The following IQCH variants were observed in gnomAD, a reference collection of about 807,000 sequenced individuals.
The protein encoded by IQCH is IQ domain-containing protein H.
In IQCH, 98 loss-of-function variants were observed where a neutral mutation model predicts 117.0. That is an observed-to-expected ratio of 0.84 (90% CI 0.71 to 0.99). The LOEUF (loss-of-function observed/expected upper bound fraction) is 0.99. IQCH is among the 50% of genes least tolerant of loss of function. The probability of loss-of-function intolerance (pLI) is 0.00; values close to 1 mark genes in which losing one functional copy is unlikely to be tolerated. For synonymous variants in IQCH, 412 were observed against 448.2 expected (o/e 0.92, Z 1.02); for missense variants, 1,102 against 1,243.8 (o/e 0.89, Z 1.72).
chr15:67,290,498 A>G (rs1966714752), intron 4 of IQCH, among the ~76,000 whole-genome samples: 1 of 152,098 alleles, frequency 6.6e-6, no homozygotes, highest in Non-Finnish European at 1.5e-5. Flanking sequence ...TCTGAGTTGC[A>G]CAATTGCATC....
chr15:67,258,234 C>CA (rs550150022), intron 1 of IQCH, among the ~76,000 whole-genome samples: 186 of 79,604 alleles, frequency 2.3e-3, no homozygotes, highest in South Asian at 0.021. Context: ...GACTCTGTGT[C>CA]AAAAAAAAAA....
At chr15:67,273,269 C>G (rs902510326) in intron 3 of IQCH, among the ~76,000 whole-genome samples, 2 of 151,758 alleles carry the variant, frequency 1.3e-5, no homozygotes, top group African/African-American at 2.4e-5. Flanking sequence ...CAGGGTTTCA[C>G]CATGTTGCCA....
intron 4 of IQCH, among the ~76,000 whole-genome samples, chr15:67,280,719 C>T (rs966035372): frequency 1.3e-5 from 2 of 152,050 alleles, no homozygotes; most frequent in South Asian, 2.1e-4. Flanking sequence ...ACATTCAGTC[C>T]ATAGCATGCC....
Position 67,413,053 on chromosome 15 carries a change from GT to G in IQCH, c.2098-3875del, listed in dbSNP as rs2081486906. Among the ~76,000 whole-genome samples the G allele has an allele frequency of 6.6e-6, 1 of 150,792 alleles. No individual in the cohort carries two copies. The highest frequency in any genetic ancestry group is 2.5e-5 in the African/African-American group (1 of 40,550). On this transcript the variant is annotated intron_variant, in intron 14 of 20. Coordinates refer to ENST00000335894, the MANE Select transcript of IQCH (RefSeq NM_001031715.3). The surrounding 1 kb of genome is among the most constrained non-coding windows in gnomAD (Gnocchi z 5.0). Reference sequence around the variant, plus strand: ...TCTAATGATTCACATGAATTGGAGTGTTTGTCTGTTATGGAAGGTGTGTGTG... The same window carrying G: ...TCTAATGATTCACATGAATTGGAGTGTTGTCTGTTATGGAAGGTGTGTGTG...
At chr15:67,439,663 A>G (rs1299819042) in intron 16 of IQCH, among the ~76,000 whole-genome samples, 1 of 152,168 alleles carries the variant, frequency 6.6e-6, no homozygotes, top group Non-Finnish European at 1.5e-5. Context: ...AGGTGGGCGG[A>G]TCACCTGAGG....
chr15:67,255,618 T>TA (rs1965137526), intron 1 of IQCH, among the ~76,000 whole-genome samples: 1 of 152,246 alleles, frequency 6.6e-6, no homozygotes, highest in African/African-American at 2.4e-5. Context: ...TATTTCCACA[T>TA]ATATCATCGG....
chr15:67,372,495 T>G lies in IQCH; in HGVS notation c.1138T>G (p.Trp380Gly), dbSNP rs1567135764. Reference sequence around the variant, plus strand: ...GGCCGCCATGAAGATCCAAGCCACATGGAAATGCTACAAAGCAAGAAAATT... The same window carrying G: ...GGCCGCCATGAAGATCCAAGCCACAGGGAAATGCTACAAAGCAAGAAAATT... ...SEAAMKIQAT[W>G]KCYKARKFFL... is the part of the protein sequence containing the mutation. Residue 380 changes from tryptophan (W) to glycine (G), a missense_variant, in exon 9 of 21, where the codon TGG becomes GGG. Coordinates refer to ENST00000335894, the MANE Select transcript of IQCH (RefSeq NM_001031715.3). The G allele has an allele frequency of 6.2e-7, 1 of 1,614,014 alleles. No homozygotes were observed. The highest frequency in any genetic ancestry group is 8.5e-7 in the Non-Finnish European group (1 of 1,179,980).
At chr15:67,318,236 C>T (rs988009600) in intron 4 of IQCH, among the ~76,000 whole-genome samples, 2 of 152,192 alleles carry the variant, frequency 1.3e-5, no homozygotes, top group East Asian at 1.9e-4. Context: ...CTTCTCCCTT[C>T]CCTCCTTTTT....
At position 67,475,584 on chromosome 15, in the gene IQCH, G is replaced by A. The variant is rs748192325; in HGVS notation, c.2677-112G>A. 1.2e-6 allele frequency: 1 copy of A among 848,768 alleles called. No individual in the cohort carries two copies. Among genetic ancestry groups the A allele is most frequent in the Non-Finnish European group, 1.9e-6 (1 of 536,482 alleles). 52.6% of individuals were successfully genotyped at this position (848,768 alleles called of 1,614,324 possible). A position where few individuals can be genotyped will look rare whatever the true frequency, so the allele number is the denominator to read the frequency against. ...TAACAATAGGAGAACTGGGTGTGGGGGATATAGGAACTCTCAGAATTATCT... is the reference window on the plus strand; with the variant it reads ...TAACAATAGGAGAACTGGGTGTGGGAGATATAGGAACTCTCAGAATTATCT... On this transcript the variant is annotated intron_variant, in intron 17 of 20. Coordinates refer to ENST00000335894, the MANE Select transcript of IQCH (RefSeq NM_001031715.3). This position sits in a 1 kb window ranked among gnomAD's most constrained non-coding sequence, Gnocchi z 5.7.
At position 67,490,341 on chromosome 15, in the gene IQCH, G is replaced by A. The variant is rs2083614498; in HGVS notation, c.2861+277G>A. ...CTGCCTCAGCCTCCCAAGTAGCTGGGATTACAGGTGCGTGCCACCATGCCC... is the reference window on the plus strand; with the variant it reads ...CTGCCTCAGCCTCCCAAGTAGCTGGAATTACAGGTGCGTGCCACCATGCCC... On this transcript the variant is annotated intron_variant, in intron 19 of 20. Transcript: ENST00000335894. The surrounding 1 kb of genome is among the most constrained non-coding windows in gnomAD (Gnocchi z 4.9). 6.6e-6 allele frequency among the ~76,000 whole-genome samples: 1 copy of A among 152,076 alleles called. No homozygotes were observed. The highest frequency in any genetic ancestry group is 1.5e-5 in the Non-Finnish European group (1 of 68,016).
At chr15:67,273,301 C>T (rs1358415666) in intron 3 of IQCH, among the ~76,000 whole-genome samples, 1 of 151,868 alleles carries the variant, frequency 6.6e-6, no homozygotes, top group African/African-American at 2.4e-5. Flanking sequence ...AACTCCTGAC[C>T]TCAAGTGATT....
chr15:67,382,605 CTTTTA>C (rs1188461939), intron 10 of IQCH, among the ~76,000 whole-genome samples: 1 of 152,172 alleles, frequency 6.6e-6, no homozygotes, highest in African/African-American at 2.4e-5. Context: ...CTTGGAGAGT[CTTTTA>C]TTTTATATAA....
chr15:67,470,061 T>C (rs934740560), intron 17 of IQCH, among the ~76,000 whole-genome samples: 1 of 152,280 alleles, frequency 6.6e-6, no homozygotes, highest in Non-Finnish European at 1.5e-5. Flanking sequence ...CCAGGAATAT[T>C]GCCATTATCC....
At chr15:67,263,097 C>G in intron 2 of IQCH, 25 bp from the exon 3 acceptor site, 4 of 1,238,416 alleles carry the variant, frequency 3.2e-6, no homozygotes, top group Non-Finnish European at 4.8e-6. Flanking sequence ...CAATAATTGC[C>G]TAAACTTTGA....
In IQCH at chr15:67,385,961, T is replaced by A. The variant is rs1231236990; in HGVS notation, c.1456+942T>A. Reference sequence around the variant, plus strand: ...CATATATATTTCAGCATCATTATTATTTTATAAATGCTATTTGGTATCAAA... The same window carrying A: ...CATATATATTTCAGCATCATTATTAATTTATAAATGCTATTTGGTATCAAA... On this transcript the variant is annotated intron_variant, in intron 11 of 20. Coordinates refer to ENST00000335894, the MANE Select transcript of IQCH (RefSeq NM_001031715.3). This position sits in a 1 kb window ranked among gnomAD's most constrained non-coding sequence, Gnocchi z 4.6. Among the ~76,000 whole-genome samples the A allele has an allele frequency of 1.3e-5, 2 of 152,324 alleles. No individual in the cohort carries two copies. The highest frequency in any genetic ancestry group is 3.9e-4 in the East Asian group (2 of 5,186).
Position 67,408,738 on chromosome 15 carries a change from T to A in IQCH, c.2098-8193T>A, listed in dbSNP as rs1400114618. ...CATGTGTTTCCTTTTGTTTTTAATTTTCAATTAAAGAGCTTTCATCAGCAT... is the reference window on the plus strand; with the variant it reads ...CATGTGTTTCCTTTTGTTTTTAATTATCAATTAAAGAGCTTTCATCAGCAT... On this transcript the variant is annotated intron_variant, in intron 14 of 20. Coordinates refer to ENST00000335894, the MANE Select transcript of IQCH (RefSeq NM_001031715.3). This position sits in a 1 kb window ranked among gnomAD's most constrained non-coding sequence, Gnocchi z 4.2. Among the ~76,000 whole-genome samples, 1 of 152,230 alleles carries A rather than the reference T, an allele frequency of 6.6e-6. No homozygotes were observed. Among genetic ancestry groups the A allele is most frequent in the Non-Finnish European group, 1.5e-5 (1 of 68,044 alleles).
intron 5 of IQCH, among the ~76,000 whole-genome samples, chr15:67,337,496 G>C (rs1968949067): frequency 6.6e-6 from 1 of 152,196 alleles, no homozygotes. Flanking sequence ...CAGAATTAAT[G>C]TAATTAGTGT....
chr15:67,332,790 A>T (rs1447663498), intron 4 of IQCH, among the ~76,000 whole-genome samples: 1 of 152,212 alleles, frequency 6.6e-6, no homozygotes, highest in African/African-American at 2.4e-5. Context: ...TGGTAAATAG[A>T]TCTAAACATT....
At chr15:67,399,295 AT>A (rs529946774) in intron 13 of IQCH, among the ~76,000 whole-genome samples, 115 of 152,302 alleles carry the variant, frequency 7.6e-4, no homozygotes, top group African/African-American at 2.5e-3. Flanking sequence ...CACCTCATAG[AT>A]TATGGTATTA....
Sources: allele counts gnomAD v4.1 joint callset (sites outside exome capture counted in the v4.1 genomes callset), GRCh38; gene constraint gnomAD v4.1.1; non-coding constraint Gnocchi (gnomAD v3.1); transcripts MANE v1.5; gene names NCBI Gene and HGNC (gene_info 2026-07-23, HGNC 2026-07-21).